RAB30: variants seen among roughly 807,000 people sequenced by gnomAD.
RAB30 encodes RAB30, member RAS oncogene family, also known as ras-related protein Rab-30.
RAB30 carries 9 observed loss-of-function variants against 25.1 expected under a neutral mutation model. The observed-to-expected ratio is 0.36, with a 90% confidence interval of 0.22 to 0.63. The LOEUF (loss-of-function observed/expected upper bound fraction) is 0.63. RAB30 is among the 20% of genes least tolerant of loss of function. The probability of loss-of-function intolerance (pLI) is 0.69; values close to 1 mark genes in which losing one functional copy is unlikely to be tolerated. For synonymous variants in RAB30, 77 were observed against 86.4 expected (o/e 0.89, Z 0.60); for missense variants, 140 against 243.5 (o/e 0.58, Z 2.83).
intron 1 of RAB30, among the ~76,000 whole-genome samples, chr11:83,031,212 G>A (rs1038895540): frequency 2.0e-5 from 3 of 152,224 alleles, no homozygotes; most frequent in Non-Finnish European, 4.4e-5. Context: ...GTGGTATTTT[G>A]TTATGGCAGG....
intron 1 of RAB30, among the ~76,000 whole-genome samples, chr11:83,067,620 C>T (rs1356032847): frequency 6.6e-6 from 1 of 152,212 alleles, no homozygotes; most frequent in Non-Finnish European, 1.5e-5. Flanking sequence ...AAGAAAAAAA[C>T]TCAAGTCATT....
At chr11:83,070,380 G>C (rs1032430976) in intron 1 of RAB30, among the ~76,000 whole-genome samples, 5 of 152,194 alleles carry the variant, frequency 3.3e-5, no homozygotes, top group African/African-American at 1.2e-4. Context: ...GAGACCTAAG[G>C]ATCTGAATTT....
chr11:83,045,272 A>G (rs999834506), intron 1 of RAB30, among the ~76,000 whole-genome samples: 11 of 152,116 alleles, frequency 7.2e-5, no homozygotes, highest in African/African-American at 2.4e-4. Flanking sequence ...AACTGAAACT[A>G]CAGGCATCCA....
intron 1 of RAB30, among the ~76,000 whole-genome samples, chr11:83,049,984 A>C (rs1858321358): frequency 6.6e-6 from 1 of 152,164 alleles, no homozygotes; most frequent in Admixed American, 6.5e-5. Context: ...GGGGCCAAGC[A>C]TGGTGGCTCA....
intron 1 of RAB30, among the ~76,000 whole-genome samples, chr11:83,026,336 G>A (rs565223534): frequency 1.6e-4 from 24 of 152,334 alleles, no homozygotes; most frequent in Middle Eastern, 3.4e-3. Context: ...CAGTGTTGGA[G>A]GTGTGGCCTA....
intron 1 of RAB30, among the ~76,000 whole-genome samples, chr11:83,052,434 T>C (rs756547576): frequency 5.9e-5 from 9 of 152,116 alleles, no homozygotes; most frequent in Non-Finnish European, 1.0e-4. Flanking sequence ...GGAAGAGAAA[T>C]GGCCTGGCTA....
At chr11:83,027,456 C>T (rs984155324) in intron 1 of RAB30, among the ~76,000 whole-genome samples, 4 of 152,126 alleles carry the variant, frequency 2.6e-5, no homozygotes, top group African/African-American at 7.2e-5. Context: ...GTGAAAGACT[C>T]TTTGCTGGTG....
At chr11:83,062,250 T>G (rs1413136803) in intron 1 of RAB30, among the ~76,000 whole-genome samples, 2 of 152,164 alleles carry the variant, frequency 1.3e-5, no homozygotes, top group Non-Finnish European at 1.5e-5. Flanking sequence ...GGTTCCTCAT[T>G]TGTATGTAAA....
intron 1 of RAB30, among the ~76,000 whole-genome samples, chr11:83,059,382 C>G (rs185176874): frequency 6.6e-6 from 1 of 152,052 alleles, no homozygotes; most frequent in Non-Finnish European, 1.5e-5. Context: ...TAGAGAACAC[C>G]CTAATTCTTG....
rs568377183 is a variant in RAB30 at position 82,981,984 on chromosome 11, A to G, written c.*181T>C. On this transcript the variant is annotated 3_prime_UTR_variant, in exon 5 of 5. Coordinates refer to ENST00000527633, the MANE Select transcript of RAB30 (RefSeq NM_001286060.2). Reference sequence around the variant, plus strand: ...CAGACTGGAAAAGGGTGAAACCATTATATGTTCTGCTAATGCTGGCCTGTG... The same window carrying G: ...CAGACTGGAAAAGGGTGAAACCATTGTATGTTCTGCTAATGCTGGCCTGTG... 7.4e-5 allele frequency: 55 copies of G among 746,914 alleles called. No homozygotes were observed. The South Asian group carries it at 1.0e-3, about 14-fold the overall frequency. The allele number at this position is 746,914 out of a possible 1,614,324, so 46.3% of individuals were successfully genotyped here.
intron 4 of RAB30, among the ~76,000 whole-genome samples, chr11:82,985,325 T>C (rs2121436112): frequency 6.6e-6 from 1 of 152,306 alleles, no homozygotes; most frequent in East Asian, 1.9e-4. Context: ...CAGATGTCAA[T>C]AGTTAACTTT....
intron 1 of RAB30, among the ~76,000 whole-genome samples, chr11:83,010,415 C>T (rs978531821): frequency 6.6e-6 from 1 of 152,122 alleles, no homozygotes. Flanking sequence ...CACGCCATTG[C>T]ACTCCAGACA....
At chr11:83,010,861 G>A (rs1261406887) in intron 1 of RAB30, among the ~76,000 whole-genome samples, 1 of 152,190 alleles carries the variant, frequency 6.6e-6, no homozygotes, top group Non-Finnish European at 1.5e-5. Flanking sequence ...CCAAAGGAAA[G>A]TTCCATATAG....
intron 1 of RAB30, among the ~76,000 whole-genome samples, chr11:83,049,949 A>G (rs779466354): frequency 1.3e-5 from 2 of 152,130 alleles, no homozygotes; most frequent in African/African-American, 4.8e-5. Context: ...TGGGGCCCAC[A>G]GTACCCTATA....
intron 2 of RAB30, among the ~76,000 whole-genome samples, chr11:82,995,780 C>T (rs953054679): frequency 6.6e-6 from 1 of 152,126 alleles, no homozygotes; most frequent in Non-Finnish European, 1.5e-5. Flanking sequence ...ACCTGGAACC[C>T]GGGTTCTAAT....
intron 1 of RAB30, among the ~76,000 whole-genome samples, chr11:83,063,991 G>GA (rs1363127751): frequency 6.6e-6 from 1 of 152,148 alleles, no homozygotes; most frequent in Non-Finnish European, 1.5e-5. Flanking sequence ...CACATATGGG[G>GA]AAAAATGACA....
intron 1 of RAB30, among the ~76,000 whole-genome samples, chr11:83,039,694 G>A (rs1211620057): frequency 1.3e-5 from 2 of 152,070 alleles, no homozygotes; most frequent in Non-Finnish European, 2.9e-5. Flanking sequence ...ACTCTTAGAG[G>A]AGAGCTCTGA....
At chr11:82,990,486 T>C (rs1856829085) in intron 3 of RAB30, among the ~76,000 whole-genome samples, 1 of 152,190 alleles carries the variant, frequency 6.6e-6, no homozygotes, top group Non-Finnish European at 1.5e-5. Context: ...CAGGGATGCT[T>C]TACCACCACA....
intron 1 of RAB30, among the ~76,000 whole-genome samples, chr11:83,050,525 G>A (rs1316420821): frequency 6.6e-6 from 1 of 152,196 alleles, no homozygotes; most frequent in African/African-American, 2.4e-5. Context: ...TAAGAAGGCA[G>A]AAGCTGAATT....
Sources: gnomAD v4.1 joint callset for allele counts (sites outside exome capture counted in the v4.1 genomes callset) on GRCh38, gnomAD v4.1.1 for gene constraint, MANE v1.5 for transcripts, NCBI Gene and HGNC (gene_info 2026-07-23, HGNC 2026-07-21) for gene names.